SRGAP2: variants seen among roughly 807,000 people sequenced by gnomAD.
The protein encoded by SRGAP2 is SLIT-ROBO Rho GTPase-activating protein 2.
In SRGAP2, 15 loss-of-function variants were observed where a neutral mutation model predicts 57.2. That is an observed-to-expected ratio of 0.26 (90% CI 0.18 to 0.40). The LOEUF (loss-of-function observed/expected upper bound fraction) is 0.40. Among genes scored for constraint, SRGAP2 ranks in the 10% least tolerant of loss-of-function variants. The pLI is 1.00. For missense variants in SRGAP2, 520 were observed against 669.6 expected (o/e 0.78, Z 2.47); for synonymous variants, 249 against 248.0 (o/e 1.00, Z -0.04).
chr1:206,434,512 T>G (rs34875742), intron 14 of SRGAP2, among the ~76,000 whole-genome samples: 6,474 of 152,212 alleles, frequency 0.043, 326 homozygotes, highest in African/African-American at 0.12. Context: ...GAGAAAAAAT[T>G]TAAAAGATCA....
intron 2 of SRGAP2, among the ~76,000 whole-genome samples, chr1:206,217,559 T>C (rs1666727544): frequency 6.6e-6 from 1 of 152,064 alleles, no homozygotes; most frequent in Non-Finnish European, 1.5e-5. Context: ...ATGATGATGG[T>C]TAGCGTTTAT....
Position 206,419,520 on chromosome 1 carries a change from T to A in SRGAP2, c.1469+120T>A, listed in dbSNP as rs1660105860. On this transcript the variant is annotated intron_variant, in intron 12 of 22. Transcript: ENST00000573034. Reference sequence around the variant, plus strand: ...GGCATTGAATGACTTTACAAAGCAATGGCCTGGGGCGGGGTTTGTTTACTT... The same window carrying A: ...GGCATTGAATGACTTTACAAAGCAAAGGCCTGGGGCGGGGTTTGTTTACTT... 5.5e-6 allele frequency: 4 copies of A among 724,226 alleles called. No individual in the cohort carries two copies. The South Asian group carries it at 5.9e-5, about 11-fold the overall frequency. The allele number at this position is 724,226 out of a possible 1,614,324, so 44.9% of individuals were successfully genotyped here. A position where few individuals can be genotyped will look rare whatever the true frequency, so the allele number is the denominator to read the frequency against.
intron 2 of SRGAP2, among the ~76,000 whole-genome samples, chr1:206,241,204 C>A (rs1218136054): frequency 2.0e-5 from 3 of 152,164 alleles, no homozygotes; most frequent in South Asian, 2.1e-4. Context: ...TAACAAAAAA[C>A]CCCCTAAAAA....
intron 2 of SRGAP2, among the ~76,000 whole-genome samples, chr1:206,267,281 C>T (rs1669920947): frequency 6.6e-6 from 1 of 152,178 alleles, no homozygotes; most frequent in African/African-American, 2.4e-5. Context: ...TTCAAACATT[C>T]ATGGCGCTAG....
intron 2 of SRGAP2, among the ~76,000 whole-genome samples, chr1:206,226,311 C>G (rs1667269892): frequency 6.6e-6 from 1 of 151,896 alleles, no homozygotes; most frequent in Admixed American, 6.6e-5. Flanking sequence ...CCTATGAGTA[C>G]TTCTCATCCA....
At chr1:206,423,347 A>G (rs1294033661) in intron 13 of SRGAP2, among the ~76,000 whole-genome samples, 3 of 152,110 alleles carry the variant, frequency 2.0e-5, no homozygotes, top group African/African-American at 7.2e-5. Context: ...GTTCCCTTAG[A>G]TGAATCTTTC....
rs781924979 is a variant in SRGAP2, at chr1:206,462,575, C to T, written c.*1155C>T. 2 of 152,358 alleles carry T rather than the reference C, an allele frequency of 1.3e-5. No individual in the cohort carries two copies. Among genetic ancestry groups the T allele is most frequent in the Admixed American group, 1.3e-4 (2 of 15,284 alleles). 9.4% of individuals were successfully genotyped at this position (152,358 alleles called of 1,614,324 possible). A position where few individuals can be genotyped will look rare whatever the true frequency, so the allele number is the denominator to read the frequency against. ...CCTTAGTTTCCTTATTTTACAAGGT[C>T]TCTCTTCAGGGACCAACAGGGGCTT... On this transcript the variant is annotated 3_prime_UTR_variant, in exon 23 of 23. Transcript: ENST00000573034.
chr1:206,310,117 C>T (rs1672527489), intron 3 of SRGAP2, among the ~76,000 whole-genome samples: 1 of 151,684 alleles, frequency 6.6e-6, no homozygotes, highest in Non-Finnish European at 1.5e-5. Flanking sequence ...CTAAAACAAG[C>T]CCCAAACCCA....
intron 18 of SRGAP2, among the ~76,000 whole-genome samples, chr1:206,447,365 C>T (rs760060788): frequency 1.3e-5 from 2 of 152,264 alleles, no homozygotes; most frequent in Middle Eastern, 3.4e-3. Flanking sequence ...AATTGGTCCA[C>T]GCTTCTCCCT....
chr1:206,366,182 A>G (rs1323378496), intron 4 of SRGAP2, among the ~76,000 whole-genome samples: 4 of 152,262 alleles, frequency 2.6e-5, no homozygotes, highest in African/African-American at 7.2e-5. Context: ...CTTTATGCCT[A>G]GGGTTTACCC....
At chr1:206,453,433 G>C in intron 20 of SRGAP2, 53 bp downstream of exon 20, 2 of 521,522 alleles carry the variant, frequency 3.8e-6, no homozygotes, top group Non-Finnish European at 3.6e-6. Context: ...CTCTATGGGA[G>C]TGAGACTTCA....
Position 206,420,629 on chromosome 1 carries a change from C to A in SRGAP2, c.1470-621C>A, listed in dbSNP as rs1453073058. 2.0e-5 allele frequency among the ~76,000 whole-genome samples: 3 copies of A among 152,190 alleles called. No individual in the cohort carries two copies. The East Asian group carries it at 5.8e-4, about 29-fold the overall frequency. On this transcript the variant is annotated intron_variant, in intron 12 of 22. Coordinates refer to ENST00000573034, the MANE Select transcript of SRGAP2 (RefSeq NM_015326.5). Reference sequence around the variant, plus strand: ...ACCAGCAACCAGGCTCTGGTCCCATCCTTCACTCAGAGCAGGACAGCCCTG... The same window carrying A: ...ACCAGCAACCAGGCTCTGGTCCCATACTTCACTCAGAGCAGGACAGCCCTG...
chr1:206,430,054 C>G (rs923583800), intron 13 of SRGAP2, 108 bp from the exon 14 acceptor site: 4 of 718,324 alleles, frequency 5.6e-6, no homozygotes, highest in Middle Eastern at 5.4e-4. Flanking sequence ...CTTTGTAGAC[C>G]GGCTGGTGAT....
At chr1:206,208,654 C>T (rs1320172903) in intron 2 of SRGAP2, among the ~76,000 whole-genome samples, 2 of 152,206 alleles carry the variant, frequency 1.3e-5, no homozygotes, top group East Asian at 1.9e-4. Flanking sequence ...AAAGGGCCTG[C>T]GATCTGGTTT....
intron 2 of SRGAP2, among the ~76,000 whole-genome samples, chr1:206,216,383 A>G (rs1168447713): frequency 6.6e-6 from 1 of 152,140 alleles, no homozygotes; most frequent in Non-Finnish European, 1.5e-5. Flanking sequence ...AACACATTCT[A>G]CGTTTGTCCA....
At chr1:206,241,752 C>T (rs1467728850) in intron 2 of SRGAP2, among the ~76,000 whole-genome samples, 18 of 149,558 alleles carry the variant, frequency 1.2e-4, no homozygotes, top group African/African-American at 3.4e-4. Context: ...AAAGTCTTCT[C>T]GAACCTATGT....
intron 2 of SRGAP2, among the ~76,000 whole-genome samples, chr1:206,290,279 A>G (rs1434869691): frequency 6.6e-6 from 1 of 152,214 alleles, no homozygotes; most frequent in Non-Finnish European, 1.5e-5. Flanking sequence ...TTCAATTCCT[A>G]TCACTTTCTG....
intron 18 of SRGAP2, among the ~76,000 whole-genome samples, chr1:206,448,318 A>C (rs556583713): frequency 1.8e-4 from 27 of 152,276 alleles, no homozygotes; most frequent in African/African-American, 6.0e-4. Flanking sequence ...CACACTTTCC[A>C]GTCCTGAAAC....
intron 2 of SRGAP2, among the ~76,000 whole-genome samples, chr1:206,209,432 C>T (rs1372743813): frequency 6.7e-6 from 1 of 149,856 alleles, no homozygotes; most frequent in Admixed American, 6.6e-5. Flanking sequence ...CCCTATAAAC[C>T]ACCTGCTTGC....
Sources: allele counts gnomAD v4.1 joint callset (sites outside exome capture counted in the v4.1 genomes callset), GRCh38; gene constraint gnomAD v4.1.1; transcripts MANE v1.5; gene names NCBI Gene and HGNC (gene_info 2026-07-23, HGNC 2026-07-21).